SMYD3: variants seen among roughly 807,000 people sequenced by gnomAD.
SMYD3 encodes the protein SET and MYND domain containing 3.
SMYD3 carries 36 observed loss-of-function variants against 57.7 expected under a neutral mutation model. The observed-to-expected ratio is 0.62, with a 90% CI of 0.48 to 0.82. The LOEUF is 0.82. Ranked by LOEUF, SMYD3 falls within the 40% of genes least tolerant of loss-of-function variation. The probability of loss-of-function intolerance (pLI) is 0.00; values close to 1 mark genes in which losing one functional copy is unlikely to be tolerated. For synonymous variants in SMYD3, 211 were observed against 195.0 expected, an observed-to-expected ratio of 1.08 and a Z score of -0.68; for missense variants, 515 against 538.8, an observed-to-expected ratio of 0.96 and a Z score of 0.44.
chr1:245,873,686 T>C (rs1323941481), intron 8 of SMYD3, among the ~76,000 whole-genome samples: 1 of 152,100 alleles, frequency 6.6e-6, no homozygotes, highest in African/African-American at 2.4e-5. Context: ...CAGATTCAAG[T>C]GAGGTTTAAA....
chr1:245,891,268 G>A (rs778127074), intron 8 of SMYD3, among the ~76,000 whole-genome samples: 38 of 152,190 alleles, frequency 2.5e-4, no homozygotes, highest in Non-Finnish European at 4.0e-4. Context: ...TTGAGGCAAT[G>A]GATACCCCAT....
chr1:245,936,524 A>T (rs2056987270), intron 5 of SMYD3, among the ~76,000 whole-genome samples: 1 of 152,214 alleles, frequency 6.6e-6, no homozygotes, highest in Non-Finnish European at 1.5e-5. Context: ...AGAGTTAATT[A>T]TAAGAATGTG....
At chr1:246,371,284 C>T (rs944442521) in intron 1 of SMYD3, among the ~76,000 whole-genome samples, 6 of 152,282 alleles carry the variant, frequency 3.9e-5, no homozygotes, top group Middle Eastern at 3.4e-3. Flanking sequence ...TTAAAATACA[C>T]TGGCTTGTTT....
intron 5 of SMYD3, among the ~76,000 whole-genome samples, chr1:245,960,536 A>C (rs747607705): frequency 1.3e-5 from 2 of 152,268 alleles, no homozygotes; most frequent in Non-Finnish European, 1.5e-5. Flanking sequence ...AGCCTGGGTA[A>C]CATGGGAAAA....
intron 5 of SMYD3, among the ~76,000 whole-genome samples, chr1:245,979,482 T>C (rs1443892222): frequency 6.6e-6 from 1 of 152,052 alleles, no homozygotes; most frequent in Non-Finnish European, 1.5e-5. Context: ...AAGGTGGCCA[T>C]GAGAAGACAG....
At chr1:246,494,168 T>C (rs756454233) in intron 1 of SMYD3, among the ~76,000 whole-genome samples, 2 of 152,156 alleles carry the variant, frequency 1.3e-5, no homozygotes, top group Non-Finnish European at 2.9e-5. Context: ...ACCTAGAAAA[T>C]AAAGTTCAAA....
intron 10 of SMYD3, among the ~76,000 whole-genome samples, chr1:245,823,314 T>C (rs1341137235): frequency 7.0e-6 from 1 of 142,154 alleles, no homozygotes; most frequent in Non-Finnish European, 1.5e-5. Flanking sequence ...CTGCCACACG[T>C]GCGTGTGCAC....
chr1:245,939,541 C>A (rs183328928), intron 5 of SMYD3, among the ~76,000 whole-genome samples: 20 of 152,252 alleles, frequency 1.3e-4, no homozygotes, highest in African/African-American at 4.8e-4. Flanking sequence ...GCAGGGGAAT[C>A]GCTTGAACCC....
intron 5 of SMYD3, among the ~76,000 whole-genome samples, chr1:246,154,671 G>C (rs181339951): frequency 2.0e-5 from 3 of 151,990 alleles, no homozygotes; most frequent in South Asian, 2.1e-4. Context: ...AACAGCTCTT[G>C]GTTTATTGTT....
At chr1:246,143,405 T>C (rs1189781014) in intron 5 of SMYD3, among the ~76,000 whole-genome samples, 4 of 152,154 alleles carry the variant, frequency 2.6e-5, no homozygotes, top group Non-Finnish European at 4.4e-5. Flanking sequence ...AGGACAGGCA[T>C]GGTGCTCACA....
intron 10 of SMYD3, among the ~76,000 whole-genome samples, chr1:245,793,032 C>T (rs2047342971): frequency 1.3e-5 from 2 of 151,920 alleles, no homozygotes; most frequent in Admixed American, 6.6e-5. Flanking sequence ...CCATATAGGC[C>T]AGGCACAGTG....
At chr1:245,888,051 A>T (rs755389902) in intron 8 of SMYD3, among the ~76,000 whole-genome samples, 10 of 152,282 alleles carry the variant, frequency 6.6e-5, no homozygotes, top group Admixed American at 5.2e-4. Context: ...AACAGAAAAG[A>T]CTTATTCCTA....
intron 1 of SMYD3, among the ~76,000 whole-genome samples, chr1:246,454,119 T>C (rs2067668052): frequency 6.6e-6 from 1 of 152,202 alleles, no homozygotes; most frequent in South Asian, 2.1e-4. Context: ...CATTCAACTA[T>C]GAAATGAGTT....
At chr1:246,297,764 C>A (rs1382351197) in intron 5 of SMYD3, among the ~76,000 whole-genome samples, 1 of 152,088 alleles carries the variant, frequency 6.6e-6, no homozygotes, top group African/African-American at 2.4e-5. Flanking sequence ...ACCCAAGATT[C>A]ACAATACTTT....
At chr1:246,057,157 C>A (rs1392218736) in intron 5 of SMYD3, among the ~76,000 whole-genome samples, 1 of 152,152 alleles carries the variant, frequency 6.6e-6, no homozygotes, top group Non-Finnish European at 1.5e-5. Context: ...ATTGCATCTA[C>A]CTCAAAGGGC....
chr1:246,036,533 TTCTCTC>T (rs1275440858), intron 5 of SMYD3, among the ~76,000 whole-genome samples: 1 of 100,574 alleles, frequency 9.9e-6, no homozygotes, highest in Non-Finnish European at 1.7e-5. Flanking sequence ...GTACTCTTCT[TTCTCTC>T]TTTTTTTTTT....
At chr1:246,481,404 T>A (rs1400704299) in intron 1 of SMYD3, among the ~76,000 whole-genome samples, 3 of 151,056 alleles carry the variant, frequency 2.0e-5, no homozygotes, top group Admixed American at 6.6e-5. Context: ...GAGGGCCCAA[T>A]TAGAACAAAA....
chr1:246,066,116 C>T (rs1371579514), intron 5 of SMYD3, among the ~76,000 whole-genome samples: 1 of 152,188 alleles, frequency 6.6e-6, no homozygotes, highest in Non-Finnish European at 1.5e-5. Context: ...AAAAGCTCGT[C>T]ACCACATAAA....
Position 246,369,820 on chromosome 1 carries a change from G to A in SMYD3, c.165-14726C>T, listed in dbSNP as rs141474677. ...TAAGATTAGAGGCGTGATTAGATTAGAGCCACTGCACCCAGCCTGGGATTC... is the reference window on the plus strand; with the variant it reads ...TAAGATTAGAGGCGTGATTAGATTAAAGCCACTGCACCCAGCCTGGGATTC... On this transcript the variant is annotated intron_variant, in intron 1 of 11. Transcript: ENST00000490107. 3.8e-3 allele frequency among the ~76,000 whole-genome samples: 582 copies of A among 152,096 alleles called. 2 individuals carry two copies. The highest frequency in any genetic ancestry group is 0.012 in the African/African-American group (508 of 41,488).
Sources: allele counts gnomAD v4.1 joint callset (sites outside exome capture counted in the v4.1 genomes callset), GRCh38; gene constraint gnomAD v4.1.1; transcripts MANE v1.5; gene names NCBI Gene and HGNC (gene_info 2026-07-23, HGNC 2026-07-21).